SLC35D2: variants seen among roughly 807,000 people sequenced by gnomAD.
SLC35D2 encodes the protein nucleotide sugar transporter SLC35D2.
In SLC35D2, 43 loss-of-function variants were observed where a neutral mutation model predicts 41.8. That is an observed-to-expected ratio of 1.03 (90% CI 0.81 to 1.33). SLC35D2 has a LOEUF of 1.33. Ranked by LOEUF, SLC35D2 falls within the 40% of genes most tolerant of loss-of-function variation. The probability of loss-of-function intolerance (pLI) is 0.00; values close to 1 mark genes in which losing one functional copy is unlikely to be tolerated. For synonymous variants in SLC35D2, 150 were observed against 163.9 expected (o/e 0.92, Z 0.65); for missense variants, 380 against 408.4 (o/e 0.93, Z 0.60).
chr9:96,318,830 C>T (rs1461438695), downstream of SLC35D2, among the ~76,000 whole-genome samples: 1 of 152,066 alleles, frequency 6.6e-6, no homozygotes, highest in Non-Finnish European at 1.5e-5. Flanking sequence ...TTTTTTAAAA[C>T]ATCCATTATG....
chr9:96,349,716 G>C lies in SLC35D2; in HGVS notation c.488+1387C>G, dbSNP rs756003196. 5.9e-5 allele frequency among the ~76,000 whole-genome samples: 9 copies of C among 152,222 alleles called. No homozygotes were observed. In the Middle Eastern group the frequency reaches 0.01, roughly 173 times the overall value. ...AATTTTTGTATTTTTAGTAGAGATGGGGTTTTGCCATGTTGGCCAGGCTGG... is the reference window on the plus strand; with the variant it reads ...AATTTTTGTATTTTTAGTAGAGATGCGGTTTTGCCATGTTGGCCAGGCTGG... On this transcript the variant is annotated intron_variant, in intron 6 of 11. Coordinates refer to ENST00000253270, the MANE Select transcript of SLC35D2 (RefSeq NM_007001.3).
chr9:96,365,870 C>T (rs534506533), intron 2 of SLC35D2, among the ~76,000 whole-genome samples: 13 of 152,164 alleles, frequency 8.5e-5, no homozygotes, highest in Non-Finnish European at 1.6e-4. Context: ...AAATTTAAGA[C>T]TCCTTCAACA....
At chr9:96,359,252 C>T (rs867668566) in intron 4 of SLC35D2, among the ~76,000 whole-genome samples, 23 of 120,254 alleles carry the variant, frequency 1.9e-4, no homozygotes, top group Middle Eastern at 4.1e-3. Context: ...TGCAGTGAGC[C>T]GAGATTGTGC....
At chr9:96,329,727 T>C (rs1463949370) in intron 9 of SLC35D2, among the ~76,000 whole-genome samples, 1 of 152,238 alleles carries the variant, frequency 6.6e-6, no homozygotes, top group Non-Finnish European at 1.5e-5. Flanking sequence ...TTTAAACTTT[T>C]ATTTTTCACA....
chr9:96,339,036 T>C (rs941782821), intron 8 of SLC35D2, among the ~76,000 whole-genome samples: 2 of 152,234 alleles, frequency 1.3e-5, no homozygotes, highest in African/African-American at 4.8e-5. Context: ...CTATATGTGT[T>C]CCTGATACTA....
chr9:96,377,471 C>A (rs1408551918), intron 1 of SLC35D2, among the ~76,000 whole-genome samples: 2 of 152,180 alleles, frequency 1.3e-5, no homozygotes. Flanking sequence ...AAACTTTCTC[C>A]CAGCACAGTA....
chr9:96,326,326 T>C (rs1030067581), intron 9 of SLC35D2, among the ~76,000 whole-genome samples: 1 of 152,224 alleles, frequency 6.6e-6, no homozygotes, highest in Non-Finnish European at 1.5e-5. Flanking sequence ...TTAAATTCTT[T>C]TAATTCACTA....
Position 96,360,229 on chromosome 9 carries a change from T to TAA in SLC35D2, c.280-10_280-9dup, listed in dbSNP as rs34837696. 2.0e-4 allele frequency: 267 copies of TAA among 1,316,422 alleles called. No individual in the cohort carries two copies. The highest frequency in any genetic ancestry group is 5.8e-4 in the Middle Eastern group (3 of 5,134). The allele number at this position is 1,316,422 out of a possible 1,614,324, so 81.5% of individuals were successfully genotyped here. A position where few individuals can be genotyped will look rare whatever the true frequency, so the allele number is the denominator to read the frequency against. ...GAGAGGCAGAGGAAACAGCTTCCAT[T>TAA]AAAAAAAAAAGAAGAAATATTTGGT... On this transcript the variant is annotated splice_polypyrimidine_tract_variant and intron_variant, in intron 3 of 11. Coordinates refer to ENST00000253270, the MANE Select transcript of SLC35D2 (RefSeq NM_007001.3).
chr9:96,322,759 C>T (rs1828311146), intron 10 of SLC35D2, among the ~76,000 whole-genome samples: 2 of 132,644 alleles, frequency 1.5e-5, no homozygotes, highest in South Asian at 4.6e-4. Context: ...CACTCTGTTG[C>T]CCAGGCTGGA....
chr9:96,376,666 G>A (rs190465581), intron 1 of SLC35D2, among the ~76,000 whole-genome samples: 161 of 152,080 alleles, frequency 1.1e-3, no homozygotes, highest in African/African-American at 3.7e-3. Flanking sequence ...CCGGCTACTC[G>A]GGAGGCTGGG....
In SLC35D2 at chr9:96,321,071, C is replaced by T; in HGVS notation, c.*171G>A. ...TGTCGCCCGAGTACATTTCTTGAGA[C>T]TGCCATTGGCTCATCCTGCATATGA... On this transcript the variant is annotated 3_prime_UTR_variant, in exon 12 of 12. Transcript: ENST00000253270. 3.5e-6 allele frequency: 2 copies of T among 563,504 alleles called. No individual in the cohort carries two copies. Among genetic ancestry groups the T allele is most frequent in the South Asian group, 2.3e-5 (1 of 44,174 alleles). 34.9% of individuals were successfully genotyped at this position (563,504 alleles called of 1,614,324 possible).
At chr9:96,375,577 T>C (rs1475417960) in intron 1 of SLC35D2, among the ~76,000 whole-genome samples, 1 of 147,298 alleles carries the variant, frequency 6.8e-6, no homozygotes. Flanking sequence ...AAGCTCCATC[T>C]CAAAAAAAAA....
intron 10 of SLC35D2, 137 bp downstream of exon 10, chr9:96,323,954 C>T (rs1233479547): frequency 4.6e-6 from 3 of 649,512 alleles, no homozygotes; most frequent in Admixed American, 2.6e-5. Context: ...GATGGGATCA[C>T]ACAGGCCGAG....
chr9:96,378,767 T>A (rs987943986), intron 1 of SLC35D2, among the ~76,000 whole-genome samples: 7 of 151,262 alleles, frequency 4.6e-5, no homozygotes, highest in East Asian at 3.9e-4. Context: ...AAAAAAAAAA[T>A]TTAATTCAAA....
chr9:96,377,341 T>C (rs1831003899), intron 1 of SLC35D2, among the ~76,000 whole-genome samples: 2 of 152,202 alleles, frequency 1.3e-5, no homozygotes, highest in Non-Finnish European at 2.9e-5. Flanking sequence ...TGTTGTAACC[T>C]GAAACCAGTT....
intron 8 of SLC35D2, among the ~76,000 whole-genome samples, chr9:96,341,001 T>C (rs1328303233): frequency 6.6e-6 from 1 of 152,138 alleles, no homozygotes; most frequent in Non-Finnish European, 1.5e-5. Context: ...ATAAAGTATA[T>C]GTTAGCTGAG....
At chr9:96,316,484 C>CAA (rs60745610), downstream of SLC35D2, among the ~76,000 whole-genome samples, 29 of 149,816 alleles carry the variant, frequency 1.9e-4, no homozygotes, top group East Asian at 7.9e-4. Flanking sequence ...GACTCCATCT[C>CAA]AAAAAAACAA....
At chr9:96,358,667 A>G (rs1194716227) in intron 4 of SLC35D2, among the ~76,000 whole-genome samples, 2 of 152,176 alleles carry the variant, frequency 1.3e-5, no homozygotes. Flanking sequence ...TGCTTTTCCT[A>G]TATGAAGTGG....
At chr9:96,320,261 C>A (rs1343826105), downstream of SLC35D2, among the ~76,000 whole-genome samples, 1 of 152,154 alleles carries the variant, frequency 6.6e-6, no homozygotes, top group Admixed American at 6.5e-5. Context: ...CGCCTGTGAT[C>A]CCAGCACTTT....
Sources: allele counts gnomAD v4.1 joint callset (sites outside exome capture counted in the v4.1 genomes callset), GRCh38; gene constraint gnomAD v4.1.1; transcripts MANE v1.5; gene names NCBI Gene and HGNC (gene_info 2026-07-23, HGNC 2026-07-21).